The following OSBPL10 variants were observed in gnomAD, a reference collection of about 807,000 sequenced individuals.
OSBPL10 encodes oxysterol binding protein like 10.
OSBPL10 carries 49 observed loss-of-function variants against 81.7 expected under a neutral mutation model. The ratio of observed to expected loss-of-function variants is 0.60; its 90% CI spans 0.48 to 0.76. The LOEUF (loss-of-function observed/expected upper bound fraction) is 0.76. Among genes scored for constraint, OSBPL10 ranks in the 30% least tolerant of loss-of-function variants. The probability of loss-of-function intolerance (pLI) is 0.00; values close to 1 mark genes in which losing one functional copy is unlikely to be tolerated. For missense variants in OSBPL10, 923 were observed against 987.8 expected (o/e 0.93, Z 0.88); for synonymous variants, 419 against 383.6 (o/e 1.09, Z -1.08).
intron 8 of OSBPL10, among the ~76,000 whole-genome samples, chr3:31,674,202 T>TAATGAG (rs1404460455): frequency 6.6e-6 from 1 of 152,034 alleles, no homozygotes; most frequent in Non-Finnish European, 1.5e-5. Context: ...ATCCTAACAG[T>TAATGAG]AATGAGTGAG....
chr3:31,905,602 A>C (rs1160548100), intron 1 of OSBPL10, among the ~76,000 whole-genome samples: 1 of 151,930 alleles, frequency 6.6e-6, no homozygotes, highest in Non-Finnish European at 1.5e-5. Context: ...CACCTGCCTC[A>C]GCCTCCCAAA....
intron 5 of OSBPL10, among the ~76,000 whole-genome samples, chr3:31,742,922 C>T (rs932669578): frequency 5.3e-5 from 8 of 152,014 alleles, no homozygotes; most frequent in African/African-American, 1.7e-4. Context: ...ATACCCAGTC[C>T]CCAGTCCAGC....
intron 1 of OSBPL10, among the ~76,000 whole-genome samples, chr3:31,967,894 T>C (rs939663681): frequency 6.6e-6 from 1 of 152,192 alleles, no homozygotes; most frequent in African/African-American, 2.4e-5. Context: ...TTAAGGCAAA[T>C]TGGATAATGT....
At chr3:31,961,234 G>A (rs1301972273) in intron 1 of OSBPL10, among the ~76,000 whole-genome samples, 1 of 152,036 alleles carries the variant, frequency 6.6e-6, no homozygotes, top group African/African-American at 2.4e-5. Context: ...GCCCTGTACT[G>A]TCCTTGTGGG....
chr3:31,876,375 G>GGGGCTGAAAGCC, intron 3 of OSBPL10, 58 bp downstream of exon 3: 1 of 1,418,466 alleles, frequency 7.0e-7, no homozygotes, highest in African/African-American at 1.4e-5. Flanking sequence ...AACAAATAAT[G>GGGGCTGAAAGCC]GGGCTGAAAG....
At chr3:32,038,184 G>GT (rs1194785830) in intron 2 of OSBPL10, among the ~76,000 whole-genome samples, 6 of 151,964 alleles carry the variant, frequency 3.9e-5, no homozygotes, top group African/African-American at 1.5e-4. Context: ...AAGTCAGAAT[G>GT]TATTACCTGC....
rs540638498 is a variant in OSBPL10, at chr3:31,853,370, G to T, written c.537+23063C>A. 2.9e-4 allele frequency among the ~76,000 whole-genome samples: 44 copies of T among 152,196 alleles called. No homozygotes were observed. In the South Asian group the frequency reaches 8.5e-3, roughly 29 times the overall value. On this transcript the variant is annotated intron_variant, in intron 3 of 11. Coordinates refer to ENST00000396556, the MANE Select transcript of OSBPL10 (RefSeq NM_017784.5). ...TAGGTTACTGAGGGTCAGCATCAAG[G>T]GGTCTGTGAAGGGCTGGAAAAGCAG... is the stretch of plus-strand genomic sequence containing the variant.
At chr3:31,989,087 G>A (rs185860232) in intron 2 of OSBPL10, 96 of 1,614,136 alleles carry the variant, frequency 5.9e-5, no homozygotes, top group Admixed American at 1.2e-4. Flanking sequence ...CTCATGTTAC[G>A]TGAGGAAGCA....
chr3:31,862,076 G>A (rs1445821486), intron 3 of OSBPL10, among the ~76,000 whole-genome samples: 1 of 152,172 alleles, frequency 6.6e-6, no homozygotes, highest in Admixed American at 6.5e-5. Context: ...GGTCAAAGCT[G>A]CCACATGCCA....
intron 1 of OSBPL10, among the ~76,000 whole-genome samples, chr3:31,930,003 C>CAA (rs57256301): frequency 0.22 from 15,658 of 72,068 alleles, 2,467 homozygotes; most frequent in Middle Eastern, 0.28. Context: ...TGTCACCAAC[C>CAA]AAAAAAAAAA....
intron 3 of OSBPL10, among the ~76,000 whole-genome samples, chr3:31,848,644 T>G (rs1700691416): frequency 6.6e-6 from 1 of 152,196 alleles, no homozygotes; most frequent in Non-Finnish European, 1.5e-5. Context: ...GCCTCCCACA[T>G]GCCTGTTCCC....
intron 3 of OSBPL10, among the ~76,000 whole-genome samples, chr3:31,871,549 G>T (rs1015258314): frequency 6.6e-6 from 1 of 152,170 alleles, no homozygotes; most frequent in Non-Finnish European, 1.5e-5. Context: ...TCCTATCCTA[G>T]AAGTTTCCTA....
At position 31,747,938 on chromosome 3, in the gene OSBPL10, G is replaced by A; in HGVS notation, c.912C>T (p.Gly304=). The A allele has an allele frequency of 6.2e-7, 1 of 1,613,798 alleles. No homozygotes were observed. Among genetic ancestry groups the A allele is most frequent in the Non-Finnish European group, 8.5e-7 (1 of 1,180,022 alleles). ...NLLQQSVHQA[G]QPSQKPGASE... ...AGGCTCCTGGCTTCTGGCTGGGCTGGCCCGCCTGGTGCACACTCTGCTGTA... is the reference window on the plus strand; with the variant it reads ...AGGCTCCTGGCTTCTGGCTGGGCTGACCCGCCTGGTGCACACTCTGCTGTA... The change falls in exon 5 of 12, where the codon GGC becomes GGT. Residue 304 remains glycine (G), a synonymous_variant. Transcript: ENST00000396556.
chr3:31,885,635 C>T (rs1375462811), intron 1 of OSBPL10, among the ~76,000 whole-genome samples: 1 of 152,006 alleles, frequency 6.6e-6, no homozygotes, highest in African/African-American at 2.4e-5. Flanking sequence ...GGGGAAGGAA[C>T]TGGGCCTAGG....
chr3:31,923,201 T>C (rs1696967798), intron 1 of OSBPL10, among the ~76,000 whole-genome samples: 1 of 152,106 alleles, frequency 6.6e-6, no homozygotes, highest in Non-Finnish European at 1.5e-5. Flanking sequence ...AGCTGAGCTA[T>C]CCAGACTGGT....
intron 1 of OSBPL10, among the ~76,000 whole-genome samples, chr3:31,900,319 AC>A (rs1696197525): frequency 6.6e-6 from 1 of 152,094 alleles, no homozygotes; most frequent in African/African-American, 2.4e-5. Flanking sequence ...CTGCCACCGC[AC>A]CCAGCCGAGA....
At chr3:31,838,525 A>C (rs1437343206) in intron 3 of OSBPL10, among the ~76,000 whole-genome samples, 1 of 151,110 alleles carries the variant, frequency 6.6e-6, no homozygotes, top group Non-Finnish European at 1.5e-5. Context: ...AAAAAAAAAA[A>C]AAAAAAAAAA....
chr3:31,710,928 A>G (rs3749402), intron 6 of OSBPL10: 67,579 of 152,218 alleles, frequency 0.44, 17,638 homozygotes, highest in Middle Eastern at 0.62. Context: ...GCCACCTCCA[A>G]TGCCCACAGG....
At chr3:31,715,322 GA>G (rs1441892107) in intron 6 of OSBPL10, among the ~76,000 whole-genome samples, 1 of 152,188 alleles carries the variant, frequency 6.6e-6, no homozygotes, top group Non-Finnish European at 1.5e-5. Flanking sequence ...AGTTTGATTG[GA>G]GAGTGGTGCT....
Sources: allele counts gnomAD v4.1 joint callset (sites outside exome capture counted in the v4.1 genomes callset), GRCh38; gene constraint gnomAD v4.1.1; transcripts MANE v1.5; gene names NCBI Gene and HGNC (gene_info 2026-07-23, HGNC 2026-07-21).